Variants in NUP133 observed in about 807,000 individuals in gnomAD.
NUP133 encodes nucleoporin 133.
A neutral mutation model predicts 146.2 loss-of-function variants in NUP133; 66 were observed. That is an observed-to-expected ratio of 0.45 (90% confidence interval 0.37 to 0.55). The LOEUF is 0.55. NUP133 is among the 20% of genes least tolerant of loss of function. NUP133 has a pLI of 0.00. For synonymous variants in NUP133, 521 were observed against 498.8 expected, an observed-to-expected ratio of 1.04 and a Z score of -0.59; for missense variants, 1,277 against 1,374.8, an observed-to-expected ratio of 0.93 and a Z score of 1.12.
intron 4 of NUP133, among the ~76,000 whole-genome samples, chr1:229,500,058 C>A (rs561418623): frequency 6.6e-6 from 1 of 152,194 alleles, no homozygotes; most frequent in African/African-American, 2.4e-5. Flanking sequence ...AGTCCTAGCC[C>A]CTGTTTTTAA....
chr1:229,474,119 G>A (rs560386939), intron 14 of NUP133, among the ~76,000 whole-genome samples: 10 of 152,262 alleles, frequency 6.6e-5, no homozygotes, highest in East Asian at 1.9e-4. Flanking sequence ...CAGGATGAGC[G>A]ACTAAATGGA....
At chr1:229,484,248 A>C in intron 11 of NUP133, 103 bp from the exon 12 acceptor site, 1 of 717,086 alleles carries the variant, frequency 1.4e-6, no homozygotes, top group Non-Finnish European at 2.3e-6. Context: ...CCGCATATAC[A>C]CGAGCTGTTT....
rs147178533 is a variant in NUP133 at position 229,448,024 on chromosome 1, C to T, written c.3245+1102G>A. Among the ~76,000 whole-genome samples, 264 of 152,336 alleles carry T rather than the reference C, an allele frequency of 1.7e-3. 4 individuals are homozygous for T. The East Asian group carries it at 0.044, about 25-fold the overall frequency. On this transcript the variant is annotated intron_variant, in intron 24 of 25. Transcript: ENST00000261396. ...GTGGTCTCTAGTCGTCCTCGCTGCTCATTATACACTAATTACAAAGCATTA... is the reference window on the plus strand; with the variant it reads ...GTGGTCTCTAGTCGTCCTCGCTGCTTATTATACACTAATTACAAAGCATTA...
chr1:229,452,435 C>T, intron 22 of NUP133, 90 bp downstream of exon 22: 1 of 898,746 alleles, frequency 1.1e-6, no homozygotes. Context: ...AGAACAATAA[C>T]TCCTCTTAGG....
intron 21 of NUP133, 37 bp downstream of exon 21, chr1:229,458,124 G>C (rs1321837532): frequency 6.3e-7 from 1 of 1,595,886 alleles, no homozygotes; most frequent in South Asian, 1.1e-5. Flanking sequence ...TTGATGGCAT[G>C]ACCAATTTGT....
intron 18 of NUP133, 132 bp downstream of exon 18, chr1:229,464,492 G>T: frequency 9.7e-7 from 1 of 1,035,248 alleles, no homozygotes; most frequent in Non-Finnish European, 1.4e-6. Flanking sequence ...AGCACAGAAA[G>T]CTGTGCATAT....
intron 24 of NUP133, among the ~76,000 whole-genome samples, chr1:229,445,350 A>C (rs1303890437): frequency 6.6e-6 from 1 of 152,202 alleles, no homozygotes; most frequent in East Asian, 1.9e-4. Context: ...AAATTCTATT[A>C]GTAAGTAACA....
intron 17 of NUP133, among the ~76,000 whole-genome samples, chr1:229,465,177 T>C (rs1383280229): frequency 2.0e-5 from 3 of 152,178 alleles, no homozygotes; most frequent in Non-Finnish European, 4.4e-5. Context: ...ACTGCTTCTA[T>C]GAATAACTAT....
intron 19 of NUP133, among the ~76,000 whole-genome samples, chr1:229,462,965 T>C (rs555706774): frequency 1.2e-4 from 18 of 152,358 alleles, no homozygotes; most frequent in African/African-American, 4.3e-4. Context: ...CCGAGTATCT[T>C]CTATACAATT....
At chr1:229,446,666 G>A (rs1162119715) in intron 24 of NUP133, among the ~76,000 whole-genome samples, 1 of 151,774 alleles carries the variant, frequency 6.6e-6, no homozygotes. Flanking sequence ...CCCGAGAGGT[G>A]GAGCTTGCAG....
At chr1:229,455,078 A>G (rs1660531467) in intron 21 of NUP133, among the ~76,000 whole-genome samples, 2 of 152,208 alleles carry the variant, frequency 1.3e-5, no homozygotes, top group South Asian at 4.1e-4. Context: ...TAAGTTCTGG[A>G]GAAAATATTG....
intron 24 of NUP133, among the ~76,000 whole-genome samples, chr1:229,446,804 T>C (rs1283743111): frequency 6.6e-6 from 1 of 151,878 alleles, no homozygotes; most frequent in Non-Finnish European, 1.5e-5. Context: ...TCGAGTCTCG[T>C]TTGGCATGAC....
At chr1:229,449,100 A>G (rs372001588) in intron 24 of NUP133, 26 bp downstream of exon 24, 7 of 1,582,358 alleles carry the variant, frequency 4.4e-6, no homozygotes, top group Non-Finnish European at 6.1e-6. Flanking sequence ...TATACTTTCC[A>G]AAGAAGCAAT....
chr1:229,471,016 T>C (rs1260870850), intron 14 of NUP133, among the ~76,000 whole-genome samples: 1 of 152,188 alleles, frequency 6.6e-6, no homozygotes, highest in Non-Finnish European at 1.5e-5. Context: ...GATATTCCTG[T>C]TCTAAGAACA....
At chr1:229,503,178 T>C (rs774941834) in intron 2 of NUP133, among the ~76,000 whole-genome samples, 17 of 151,990 alleles carry the variant, frequency 1.1e-4, no homozygotes, top group Non-Finnish European at 2.1e-4. Context: ...CTCGGGAGGC[T>C]GAGGCAGGAG....
intron 17 of NUP133, 44 bp from the exon 18 acceptor site, chr1:229,464,919 G>T: frequency 6.2e-7 from 1 of 1,604,878 alleles, no homozygotes; most frequent in East Asian, 2.2e-5. Flanking sequence ...AAGGGATCTA[G>T]TGATGGCTAA....
intron 12 of NUP133, among the ~76,000 whole-genome samples, chr1:229,480,073 C>T (rs1011273179): frequency 1.1e-4 from 17 of 152,284 alleles, no homozygotes; most frequent in African/African-American, 4.1e-4. Context: ...AAACAAAGAG[C>T]AGTCTCTGAT....
intron 9 of NUP133, among the ~76,000 whole-genome samples, chr1:229,488,500 C>T (rs891469891): frequency 2.0e-5 from 3 of 152,004 alleles, no homozygotes; most frequent in Non-Finnish European, 4.4e-5. Flanking sequence ...GTTTTTTAAT[C>T]CTCAAATTCT....
intron 19 of NUP133, 97 bp downstream of exon 19, chr1:229,463,446 A>G (rs1316019023): frequency 4.6e-6 from 6 of 1,307,740 alleles, no homozygotes; most frequent in African/African-American, 3.0e-5. Context: ...AGATCGTATC[A>G]TATTCCAAAA....
Sources: gnomAD v4.1 joint callset for allele counts (sites outside exome capture counted in the v4.1 genomes callset) on GRCh38, gnomAD v4.1.1 for gene constraint, MANE v1.5 for transcripts, NCBI Gene and HGNC (gene_info 2026-07-23, HGNC 2026-07-21) for gene names.